The following IL4I1 variants were observed in gnomAD, a reference collection of about 807,000 sequenced individuals.
The protein encoded by IL4I1 is interleukin 4 induced 1.
Under a neutral mutation model 29.7 loss-of-function variants are expected in IL4I1, and 24 were observed. The ratio of observed to expected loss-of-function variants is 0.81; its 90% CI spans 0.59 to 1.14. The LOEUF (loss-of-function observed/expected upper bound fraction) is 1.14. IL4I1 is among the 50% of genes most tolerant of loss of function. IL4I1 has a pLI of 0.00. For missense variants in IL4I1, 686 were observed against 785.6 expected (o/e 0.87, Z 1.52); for synonymous variants, 371 against 352.5 (o/e 1.05, Z -0.59).
intron 3 of IL4I1, 98 bp downstream of exon 3, chr19:49,895,717 C>T: frequency 2.3e-6 from 2 of 867,908 alleles, no homozygotes; most frequent in Admixed American, 3.9e-5. Context: ...ATCCCCACCT[C>T]CACCCCCTCA....
At chr19:49,899,617 C>T (rs372404276), upstream of IL4I1, among the ~76,000 whole-genome samples, 311 of 150,742 alleles carry the variant, frequency 2.1e-3, no homozygotes, top group South Asian at 5.3e-3. Context: ...AGTGTAGTGG[C>T]GCTATCTTGG....
At chr19:49,908,218 G>C (rs764355720) in intron 2 of IL4I1, 3 of 1,610,934 alleles carry the variant, frequency 1.9e-6, no homozygotes, top group Non-Finnish European at 2.5e-6. Context: ...AGGGACCTGC[G>C]GGCCCCAGGG....
chr19:49,918,114 T>A (rs2075672132), intron 2 of IL4I1, among the ~76,000 whole-genome samples: 1 of 151,616 alleles, frequency 6.6e-6, no homozygotes, highest in African/African-American at 2.4e-5. Context: ...CACTCTGTCA[T>A]CCAGTGCAGT....
At chr19:49,901,961 T>C (rs4239488) in intron 3 of IL4I1, 197,604 of 313,528 alleles carry the variant, frequency 0.63, 63,028 homozygotes, top group African/African-American at 0.75. Context: ...CTCCCCGCCC[T>C]CTCACTGGAT....
chr19:49,895,142 G>C lies in IL4I1; in HGVS notation c.291C>G (p.Arg97=), dbSNP rs199867945. ...TGTTCTGGTCCCGGTAGGTGAAGAT[G>C]CGGCCCCCGATCCTGTTATCTGCCT... ...ILEADNRIGG[R]IFTYRDQNTG... is the part of the protein sequence containing the mutation. The change falls in exon 4 of 8, where the codon CGC becomes CGG. Residue 97 remains arginine, a synonymous_variant. Coordinates refer to ENST00000391826, the MANE Select transcript of IL4I1 (RefSeq NM_152899.2). 139 of 1,613,762 alleles carry C rather than the reference G, an allele frequency of 8.6e-5. No homozygotes were observed. The highest frequency in any genetic ancestry group is 1.1e-4 in the Non-Finnish European group (131 of 1,179,862).
At chr19:49,916,682 T>C (rs1465608397) in intron 2 of IL4I1, among the ~76,000 whole-genome samples, 2 of 151,278 alleles carry the variant, frequency 1.3e-5, no homozygotes, top group East Asian at 2.0e-4. Context: ...GAGAATGGCA[T>C]CAACCCGGGA....
At chr19:49,909,459 C>T in intron 2 of IL4I1, 1 of 1,614,096 alleles carries the variant, frequency 6.2e-7, no homozygotes, top group Non-Finnish European at 8.5e-7. Flanking sequence ...TTGCTGCTGC[C>T]CAGCCCAAAG....
At chr19:49,911,809 A>G (rs947656184) in intron 2 of IL4I1, among the ~76,000 whole-genome samples, 1 of 152,188 alleles carries the variant, frequency 6.6e-6, no homozygotes, top group Non-Finnish European at 1.5e-5. Context: ...ATTTTCATAA[A>G]GCTTTCCTGG....
At chr19:49,919,790 C>T (rs1303486777) in intron 2 of IL4I1, among the ~76,000 whole-genome samples, 1 of 106,398 alleles carries the variant, frequency 9.4e-6, no homozygotes, top group African/African-American at 4.1e-5. Flanking sequence ...TCTAGAACCA[C>T]CGCTTGCTCT....
At chr19:49,895,704 C>G (rs974830035) in intron 3 of IL4I1, 111 bp downstream of exon 3, 14 of 761,320 alleles carry the variant, frequency 1.8e-5, no homozygotes, top group East Asian at 1.6e-4. Flanking sequence ...CCTCTCCCCC[C>G]ACATCCCCAC....
At chr19:49,907,605 T>C (rs1600492913) in intron 2 of IL4I1, 2 of 405,740 alleles carry the variant, frequency 4.9e-6, no homozygotes, top group Admixed American at 6.6e-5. Context: ...GGTGTGATCT[T>C]GGTTCACTGC....
upstream of IL4I1, among the ~76,000 whole-genome samples, chr19:49,900,676 T>C (rs1479275408): frequency 6.6e-6 from 1 of 151,712 alleles, no homozygotes; most frequent in Non-Finnish European, 1.5e-5. Flanking sequence ...AAAAGCAGTT[T>C]GGATAGGTGA....
intron 2 of IL4I1, among the ~76,000 whole-genome samples, chr19:49,906,648 T>G (rs2075329114): frequency 6.6e-6 from 1 of 152,224 alleles, no homozygotes; most frequent in Admixed American, 6.5e-5. Flanking sequence ...CATTTGTCTA[T>G]TACTCTGTCT....
intron 2 of IL4I1, among the ~76,000 whole-genome samples, chr19:49,918,819 T>C (rs563252511): frequency 5.7e-4 from 84 of 146,366 alleles, no homozygotes; most frequent in Admixed American, 2.3e-3. Context: ...CCCAGTGACA[T>C]TGGTGGGCAT....
At chr19:49,929,014 C>G (rs1461031259) in intron 1 of IL4I1, 1 of 152,302 alleles carries the variant, frequency 6.6e-6, no homozygotes. Flanking sequence ...GAGGTCGGAT[C>G]CCCAGCTGAG....
rs1430149424 is a variant in IL4I1, at chr19:49,909,453, T to C, written c.-227-5132A>G. The C allele has an allele frequency of 1.9e-6, 3 of 1,613,986 alleles. No homozygotes were observed. Among genetic ancestry groups the C allele is most frequent in the Admixed American group, 1.7e-5 (1 of 60,000 alleles). On this transcript the variant is annotated intron_variant, in intron 2 of 9. Transcript: ENST00000341114. Reference sequence around the variant, plus strand: ...CTCGATATGGCATTAGTGAGGTTGCTGCTGCCCAGCCCAAAGCCGCTGGGG... The same window carrying C: ...CTCGATATGGCATTAGTGAGGTTGCCGCTGCCCAGCCCAAAGCCGCTGGGG...
intron 2 of IL4I1, chr19:49,911,218 A>G (rs1183035663): frequency 2.0e-5 from 3 of 152,238 alleles, no homozygotes; most frequent in Non-Finnish European, 4.4e-5. Flanking sequence ...TCCTTAGAAG[A>G]CGGATTTGAC....
chr19:49,915,627 G>T (rs2075603962), intron 2 of IL4I1, among the ~76,000 whole-genome samples: 1 of 152,238 alleles, frequency 6.6e-6, no homozygotes, highest in South Asian at 2.1e-4. Context: ...GATGGAGAAA[G>T]AACAGAATGA....
chr19:49,909,154 C>A (rs1270853046), intron 2 of IL4I1: 1 of 1,613,154 alleles, frequency 6.2e-7, no homozygotes, highest in Admixed American at 1.7e-5. Flanking sequence ...AGAGGCTGGG[C>A]CCAGTGCTGG....
Sources: gnomAD v4.1 joint callset for allele counts (sites outside exome capture counted in the v4.1 genomes callset) on GRCh38, gnomAD v4.1.1 for gene constraint, MANE v1.5 for transcripts, NCBI Gene and HGNC (gene_info 2026-07-23, HGNC 2026-07-21) for gene names.